DCLK3: variants seen among roughly 807,000 people sequenced by gnomAD.
DCLK3 encodes serine/threonine-protein kinase DCLK3.
DCLK3 carries 30 observed loss-of-function variants against 46.4 expected under a neutral mutation model. That is an observed-to-expected ratio of 0.65 (90% CI 0.48 to 0.88). DCLK3 has a LOEUF of 0.88. Among genes scored for constraint, DCLK3 ranks in the 40% least tolerant of loss-of-function variants. The pLI, the probability that DCLK3 is intolerant of heterozygous loss-of-function variation, is 0.00. For missense variants in DCLK3, 846 were observed against 907.1 expected (o/e 0.93, Z 0.87); for synonymous variants, 401 against 339.2 (o/e 1.18, Z -2.00).
intron 2 of DCLK3, among the ~76,000 whole-genome samples, chr3:36,724,176 G>A (rs1701097245): frequency 6.6e-6 from 1 of 152,226 alleles, no homozygotes; most frequent in Admixed American, 6.5e-5. Flanking sequence ...CATGGGGCCT[G>A]TGGCCCCTTT....
rs763835075 is a variant in DCLK3 at position 36,715,332 on chromosome 3, G to A, written c.2450C>T (p.Ser817Leu). Residue 817 changes from serine (S) to leucine (L), a missense_variant, in exon 5 of 5, where the codon TCA becomes TTA. Coordinates refer to ENST00000636136, the MANE Select transcript of DCLK3 (RefSeq NM_001394672.2). ...SQHKRVVEQV[S>L] is the part of the protein sequence containing the mutation. ...GACAGATTCCCAAGGTGGTGACTAT[G>A]ATACCTGCTCCACAACCCTCTTGTG... 1.2e-6 allele frequency: 2 copies of A among 1,614,156 alleles called. No homozygotes were observed. The highest frequency in any genetic ancestry group is 1.3e-5 in the African/African-American group (1 of 75,042).
rs764551561 is a variant in DCLK3 at position 36,718,181 on chromosome 3, C to A, written c.2093-4G>T. The A allele has an allele frequency of 6.2e-7, 1 of 1,613,742 alleles. No homozygotes were observed. The highest frequency in any genetic ancestry group is 1.7e-5 in the Admixed American group (1 of 60,012). Reference sequence around the variant, plus strand: ...ATGTCCACCTCCAGTCCATAACCTGCGCAGACAGAGGCAGAGACACAAGCA... The same window carrying A: ...ATGTCCACCTCCAGTCCATAACCTGAGCAGACAGAGGCAGAGACACAAGCA... On this transcript the variant is annotated splice_region_variant and splice_polypyrimidine_tract_variant and intron_variant, in intron 3 of 4. Transcript: ENST00000636136.
chr3:36,725,564 C>T (rs1260564660), intron 2 of DCLK3, among the ~76,000 whole-genome samples: 1 of 152,122 alleles, frequency 6.6e-6, no homozygotes, highest in Non-Finnish European at 1.5e-5. Flanking sequence ...CTGCAGTGTG[C>T]CATGATTGCA....
chr3:36,755,815 T>C (rs975610759), intron 1 of DCLK3, among the ~76,000 whole-genome samples: 5 of 152,162 alleles, frequency 3.3e-5, no homozygotes, highest in Admixed American at 6.5e-5. Flanking sequence ...GCTACCACAA[T>C]AAAAGACTCT....
At chr3:36,718,509 T>C (rs1180358365) in intron 3 of DCLK3, among the ~76,000 whole-genome samples, 1 of 152,220 alleles carries the variant, frequency 6.6e-6, no homozygotes, top group African/African-American at 2.4e-5. Flanking sequence ...AGTTGCATGA[T>C]TGAAGGGCAC....
intron 1 of DCLK3, among the ~76,000 whole-genome samples, chr3:36,761,652 C>T (rs951537293): frequency 6.6e-6 from 1 of 152,302 alleles, no homozygotes; most frequent in Non-Finnish European, 1.5e-5. Flanking sequence ...AGATCAGATA[C>T]AATGACCCTC....
At chr3:36,747,439 T>TATATATATATATTTCTC (rs995159719) in intron 1 of DCLK3, among the ~76,000 whole-genome samples, 4 of 151,344 alleles carry the variant, frequency 2.6e-5, no homozygotes, top group African/African-American at 7.3e-5. Context: ...GGAAAAAAGG[T>TATATATATATATTTCTC]ATATATATAT....
Position 36,764,369 on chromosome 3 carries a change from G to A in DCLK3, c.-106C>T. ...AAGGCGGGGCGAGACGAGCAGCCAC[G>A]AGCCCGCGCCGACTCTCCCTCTTCT... On this transcript the variant is annotated 5_prime_UTR_variant, in exon 1 of 5. Coordinates refer to ENST00000636136, the MANE Select transcript of DCLK3 (RefSeq NM_001394672.2). This position sits in a 1 kb window ranked among gnomAD's most constrained non-coding sequence, Gnocchi z 4.9. 5.4e-6 allele frequency: 1 copy of A among 184,354 alleles called. No homozygotes were observed. The highest frequency in any genetic ancestry group is 1.1e-5 in the Non-Finnish European group (1 of 89,800). 11.4% of individuals were successfully genotyped at this position (184,354 alleles called of 1,614,324 possible).
intron 1 of DCLK3, among the ~76,000 whole-genome samples, chr3:36,753,978 C>G (rs961383024): frequency 5.3e-5 from 8 of 152,200 alleles, no homozygotes; most frequent in African/African-American, 1.9e-4. Context: ...CGATGCCCAG[C>G]CTGTTCCCCA....
chr3:36,714,166 T>G lies in DCLK3; in HGVS notation c.*1162A>C, dbSNP rs1189271952. The G allele has an allele frequency of 6.6e-6, 1 of 152,234 alleles. No individual in the cohort carries two copies. Among genetic ancestry groups the G allele is most frequent in the Non-Finnish European group, 1.5e-5 (1 of 68,044 alleles). 9.4% of individuals were successfully genotyped at this position (152,234 alleles called of 1,614,324 possible). On this transcript the variant is annotated 3_prime_UTR_variant, in exon 5 of 5. Transcript: ENST00000636136. ...AGCCTCCTTTGTGCTTCTTCCATTT[T>G]CCAAAACCTGATTAAGCAATTCCTT...
chr3:36,743,963 C>T (rs1176134147), intron 1 of DCLK3, among the ~76,000 whole-genome samples: 1 of 152,206 alleles, frequency 6.6e-6, no homozygotes, highest in Non-Finnish European at 1.5e-5. Flanking sequence ...TGAAGACCTG[C>T]TCATTCATTA....
chr3:36,748,905 C>G (rs1333617225), intron 1 of DCLK3, among the ~76,000 whole-genome samples: 3 of 152,172 alleles, frequency 2.0e-5, no homozygotes, highest in African/African-American at 7.2e-5. Flanking sequence ...TGGGGAGCCT[C>G]TCCAGATGCT....
intron 2 of DCLK3, among the ~76,000 whole-genome samples, chr3:36,734,065 G>A (rs554169417): frequency 6.6e-6 from 1 of 152,304 alleles, no homozygotes; most frequent in South Asian, 2.1e-4. Context: ...TATCACAAGT[G>A]TAAAACATTA....
At chr3:36,727,809 A>T (rs2125525230) in intron 2 of DCLK3, among the ~76,000 whole-genome samples, 1 of 152,270 alleles carries the variant, frequency 6.6e-6, no homozygotes, top group South Asian at 2.1e-4. Flanking sequence ...CCTCTACCTA[A>T]GCAGCTTAAT....
At chr3:36,721,753 C>A (rs932827834) in intron 2 of DCLK3, 94 bp from the exon 3 acceptor site, 16 of 1,495,250 alleles carry the variant, frequency 1.1e-5, no homozygotes, top group African/African-American at 1.4e-5. Flanking sequence ...TCAAGAAAAG[C>A]AAACCATAAA....
At chr3:36,725,170 AGCCTGATGGCGGGC>A (rs1701110788) in intron 2 of DCLK3, among the ~76,000 whole-genome samples, 1 of 152,094 alleles carries the variant, frequency 6.6e-6, no homozygotes, top group Non-Finnish European at 1.5e-5. Flanking sequence ...AAAATTAGCC[AGCCTGATGGCGGGC>A]GCCTGTAGTC....
chr3:36,722,792 C>T (rs769369983), intron 2 of DCLK3, among the ~76,000 whole-genome samples: 9 of 152,186 alleles, frequency 5.9e-5, no homozygotes, highest in Non-Finnish European at 1.2e-4. Flanking sequence ...CCTCCCCAGC[C>T]ATGTGGAACC....
intron 1 of DCLK3, among the ~76,000 whole-genome samples, chr3:36,746,443 T>C (rs559931180): frequency 7.2e-5 from 11 of 152,354 alleles, no homozygotes; most frequent in Admixed American, 7.2e-4. Flanking sequence ...TTCTCACTTT[T>C]AAAGCTTATC....
At chr3:36,732,969 A>G (rs1188532788) in intron 2 of DCLK3, among the ~76,000 whole-genome samples, 1 of 152,186 alleles carries the variant, frequency 6.6e-6, no homozygotes, top group African/African-American at 2.4e-5. Flanking sequence ...GTAAAGGGAG[A>G]ATGAGCAGGA....
Sources: allele counts gnomAD v4.1 joint callset (sites outside exome capture counted in the v4.1 genomes callset), GRCh38; gene constraint gnomAD v4.1.1; non-coding constraint Gnocchi (gnomAD v3.1); transcripts MANE v1.5; gene names NCBI Gene and HGNC (gene_info 2026-07-23, HGNC 2026-07-21).